Variants in TRPS1 observed in about 807,000 individuals in gnomAD.
The protein encoded by TRPS1 is transcriptional repressor GATA binding 1.
Under a neutral mutation model 101.2 loss-of-function variants are expected in TRPS1, and 6 were observed. The observed-to-expected ratio is 0.06, with a 90% CI of 0.03 to 0.12. The LOEUF (loss-of-function observed/expected upper bound fraction) is 0.12, where lower values mean the gene tolerates loss of function less well. Ranked by LOEUF, TRPS1 falls within the 10% of genes least tolerant of loss-of-function variation. The pLI, the probability that TRPS1 is intolerant of heterozygous loss-of-function variation, is 1.00. For missense variants in TRPS1, 1,363 were observed against 1,567.0 expected (o/e 0.87, Z 2.20); for synonymous variants, 578 against 589.8 (o/e 0.98, Z 0.29).
At chr8:115,577,975 A>C (rs1586422095) in intron 5 of TRPS1, among the ~76,000 whole-genome samples, 1 of 152,306 alleles carries the variant, frequency 6.6e-6, no homozygotes, top group East Asian at 1.9e-4. Context: ...GAGAGAAATT[A>C]TTCGCCCGAG....
chr8:115,612,290 T>G (rs1818188417), intron 3 of TRPS1, among the ~76,000 whole-genome samples: 5 of 137,542 alleles, frequency 3.6e-5, no homozygotes, highest in East Asian at 2.1e-4. Flanking sequence ...GAATAGGAGG[T>G]GAGAAGAGAA....
rs1253519397 is a variant in TRPS1 at position 115,411,191 on chromosome 8, ATAT to A, written c.*2829_*2831del. On this transcript the variant is annotated 3_prime_UTR_variant, in exon 7 of 7. Transcript: ENST00000395715. Reference sequence around the variant, plus strand: ...TCTATCGTGTCAACGCTATCCAAAAATATTCTACTAAAAAGTAGACTGACCATA... The same window carrying A: ...TCTATCGTGTCAACGCTATCCAAAAATCTACTAAAAAGTAGACTGACCATA... 2.0e-5 allele frequency: 3 copies of A among 152,458 alleles called. No individual in the cohort carries two copies. The highest frequency in any genetic ancestry group is 7.2e-5 in the African/African-American group (3 of 41,426). 9.4% of individuals were successfully genotyped at this position (152,458 alleles called of 1,614,324 possible). A position where few individuals can be genotyped will look rare whatever the true frequency, so the allele number is the denominator to read the frequency against.
intron 1 of TRPS1, among the ~76,000 whole-genome samples, chr8:115,641,193 C>T (rs1012705373): frequency 5.9e-5 from 9 of 152,356 alleles, no homozygotes; most frequent in Middle Eastern, 3.4e-3. Context: ...AGACTAGAAT[C>T]AGCATATGGG....
intron 5 of TRPS1, among the ~76,000 whole-genome samples, chr8:115,423,504 ATAGAAAATG>A (rs558717382): frequency 1.7e-3 from 255 of 152,356 alleles, no homozygotes; most frequent in African/African-American, 5.8e-3. Flanking sequence ...CCAAATAGAT[ATAGAAAATG>A]ACATACCTAA....
chr8:115,639,210 T>C (rs1331606443), intron 1 of TRPS1, among the ~76,000 whole-genome samples: 2 of 152,096 alleles, frequency 1.3e-5, no homozygotes, highest in Admixed American at 1.3e-4. Flanking sequence ...ACAACAGGCA[T>C]GTACTACCAT....
At chr8:115,544,307 C>A (rs1816522548) in intron 5 of TRPS1, among the ~76,000 whole-genome samples, 1 of 151,552 alleles carries the variant, frequency 6.6e-6, no homozygotes, top group Non-Finnish European at 1.5e-5. Flanking sequence ...CATAGCATTA[C>A]TATGAGGATT....
At chr8:115,483,410 G>C (rs1390508598) in intron 5 of TRPS1, among the ~76,000 whole-genome samples, 1 of 151,722 alleles carries the variant, frequency 6.6e-6, no homozygotes, top group East Asian at 1.9e-4. Flanking sequence ...GCATGCACCT[G>C]TGTTCTCAGC....
At chr8:115,450,084 TAC>T (rs1329983602) in intron 5 of TRPS1, among the ~76,000 whole-genome samples, 1 of 152,128 alleles carries the variant, frequency 6.6e-6, no homozygotes, top group African/African-American at 2.4e-5. Flanking sequence ...GTGATGCAAC[TAC>T]ACACAGTCAC....
chr8:115,549,504 C>T (rs1446153401), intron 5 of TRPS1, among the ~76,000 whole-genome samples: 2 of 151,938 alleles, frequency 1.3e-5, no homozygotes, highest in African/African-American at 2.4e-5. Flanking sequence ...CATTGTACTC[C>T]AATATCAAAG....
intron 1 of TRPS1, among the ~76,000 whole-genome samples, chr8:115,627,745 T>A (rs1394371583): frequency 4.0e-5 from 6 of 151,784 alleles, no homozygotes; most frequent in African/African-American, 1.2e-4. Flanking sequence ...TGTTAATCAA[T>A]AGAAAAGAAA....
rs1812822880 is a variant in TRPS1 at position 115,412,889 on chromosome 8, T to C, written c.*1134A>G. 6.6e-6 allele frequency: 1 copy of C among 152,568 alleles called. No individual in the cohort carries two copies. The highest frequency in any genetic ancestry group is 2.4e-5 in the African/African-American group (1 of 41,446). 9.5% of individuals were successfully genotyped at this position (152,568 alleles called of 1,614,324 possible). A position where few individuals can be genotyped will look rare whatever the true frequency, so the allele number is the denominator to read the frequency against. On this transcript the variant is annotated 3_prime_UTR_variant, in exon 7 of 7. Coordinates refer to ENST00000395715, the MANE Select transcript of TRPS1 (RefSeq NM_014112.5). ...TACTTCTAAGAATCCTATTTAATGCTACTTAACTAAATCTGTATACATTTA... is the reference window on the plus strand; with the variant it reads ...TACTTCTAAGAATCCTATTTAATGCCACTTAACTAAATCTGTATACATTTA...
chr8:115,499,486 G>A (rs191997777), intron 5 of TRPS1, among the ~76,000 whole-genome samples: 1 of 151,914 alleles, frequency 6.6e-6, no homozygotes, highest in East Asian at 1.9e-4. Context: ...CCTTGCTGTA[G>A]CTGGTGAAGA....
chr8:115,571,937 T>C (rs920079634), intron 5 of TRPS1, among the ~76,000 whole-genome samples: 28 of 152,168 alleles, frequency 1.8e-4, no homozygotes, highest in African/African-American at 6.0e-4. Flanking sequence ...GAATAAACGC[T>C]ATTTACATAT....
At chr8:115,489,922 C>T (rs1418506657) in intron 5 of TRPS1, among the ~76,000 whole-genome samples, 1 of 151,840 alleles carries the variant, frequency 6.6e-6, no homozygotes, top group African/African-American at 2.4e-5. Flanking sequence ...ATTTTTATGC[C>T]ATACATAAAA....
chr8:115,637,089 C>G (rs1245436951), intron 1 of TRPS1: 1 of 214,284 alleles, frequency 4.7e-6, no homozygotes, highest in East Asian at 1.8e-4. Flanking sequence ...GAAGATTATC[C>G]TGAGAGAGAA....
intron 5 of TRPS1, among the ~76,000 whole-genome samples, chr8:115,483,514 C>G (rs1480337997): frequency 1.5e-5 from 2 of 133,628 alleles, no homozygotes; most frequent in African/African-American, 5.7e-5. Context: ...GCCTGGGTGA[C>G]AGAGTGAGAC....
chr8:115,481,761 T>C (rs187366830), intron 5 of TRPS1, among the ~76,000 whole-genome samples: 1 of 152,284 alleles, frequency 6.6e-6, no homozygotes, highest in African/African-American at 2.4e-5. Context: ...TCATCTGTTT[T>C]TCCCCCCTCT....
intron 1 of TRPS1, among the ~76,000 whole-genome samples, 197 bp from the exon 2 acceptor site, chr8:115,623,955 A>G (rs1343317086): frequency 1.3e-5 from 2 of 152,040 alleles, no homozygotes; most frequent in East Asian, 3.9e-4. Flanking sequence ...ACATGATATA[A>G]AAGGTTACAG....
intron 3 of TRPS1, among the ~76,000 whole-genome samples, chr8:115,618,462 T>C (rs764646007): frequency 2.6e-5 from 4 of 152,190 alleles, no homozygotes; most frequent in Non-Finnish European, 5.9e-5. Context: ...AGTAAAAATC[T>C]AAATTATTAC....
Sources: allele counts gnomAD v4.1 joint callset (sites outside exome capture counted in the v4.1 genomes callset), GRCh38; gene constraint gnomAD v4.1.1; transcripts MANE v1.5; gene names NCBI Gene and HGNC (gene_info 2026-07-23, HGNC 2026-07-21).